TSKS: variants seen among roughly 807,000 people sequenced by gnomAD.
TSKS encodes testis specific serine kinase substrate, also known as testis-specific serine kinase substrate.
Under a neutral mutation model 68.0 loss-of-function variants are expected in TSKS, and 27 were observed. That is an observed-to-expected ratio of 0.40 (90% confidence interval 0.29 to 0.55). The LOEUF (loss-of-function observed/expected upper bound fraction) is 0.55. TSKS is among the 20% of genes least tolerant of loss of function. TSKS has a pLI of 0.53. For missense variants in TSKS, 806 were observed against 776.0 expected (o/e 1.04, Z -0.46); for synonymous variants, 331 against 340.4 (o/e 0.97, Z 0.30).
In TSKS at chr19:49,741,838, C is replaced by G. The variant is rs950236479; in HGVS notation, c.1497+47G>C. ...AGTCCGGGGTTCCCCTCCCCTTGCC[C>G]CAACAGAAAAGTAAAGTGGGACATG... On this transcript the variant is annotated intron_variant, in intron 9 of 10. Transcript: ENST00000246801. The G allele has an allele frequency of 2.5e-6, 4 of 1,612,824 alleles. No individual in the cohort carries two copies. In the East Asian group the frequency reaches 8.9e-5, roughly 36 times the overall value.
At chr19:49,749,430 T>G (rs1312001788) in intron 2 of TSKS, among the ~76,000 whole-genome samples, 2 of 152,158 alleles carry the variant, frequency 1.3e-5, no homozygotes, top group Non-Finnish European at 2.9e-5. Context: ...CTCCTGCCAA[T>G]CCGTGGTTCA....
intron 7 of TSKS, 149 bp from the exon 8 acceptor site, chr19:49,744,553 C>G: frequency 1.3e-6 from 1 of 748,040 alleles, no homozygotes; most frequent in East Asian, 2.7e-5. Flanking sequence ...ACTGGCCTCA[C>G]TTTTTGTATT....
At chr19:49,745,422 G>T in intron 6 of TSKS, 26 bp from the exon 7 acceptor site, 1 of 1,500,182 alleles carries the variant, frequency 6.7e-7, no homozygotes, top group Non-Finnish European at 8.9e-7. Context: ...AGGGGAATGG[G>T]TAGGGGCTAG....
chr19:49,744,308 A>C lies in TSKS; in HGVS notation c.1284T>G (p.Phe428Leu). 2 of 1,614,002 alleles carry C rather than the reference A, an allele frequency of 1.2e-6. No individual in the cohort carries two copies. The highest frequency in any genetic ancestry group is 1.7e-6 in the Non-Finnish European group (2 of 1,179,986). ...KPILEEFGRQFQNSRRGPDLS... is the reference protein window; with the variant it reads ...KPILEEFGRQLQNSRRGPDLS... ...GGTCAGGCCCTCTTCGAGAGTTCTG[A>C]AATTGCCGCCCGAACTCCTCCAGAA... The change falls in exon 8 of 11, where the codon TTT becomes TTG. Residue 428 changes from phenylalanine (F) to leucine (L), a missense_variant. Phe to Leu is a conservative substitution (Grantham distance 22). Transcript: ENST00000246801.
chr19:49,752,633 GA>G lies in TSKS; in HGVS notation c.400-4165del, dbSNP rs370276281. ...GAGTGGGAGAGGGAACATTTGTAAA[GA>G]AAAAAAAATTTTACGCTTGTTTTAA... is the stretch of plus-strand genomic sequence containing the variant. On this transcript the variant is annotated intron_variant, in intron 2 of 10. Coordinates refer to ENST00000246801, the MANE Select transcript of TSKS (RefSeq NM_021733.2). Among the ~76,000 whole-genome samples the G allele has an allele frequency of 6.8e-3, 1,034 of 151,836 alleles. 11 individuals carry two copies. Among genetic ancestry groups the G allele is most frequent in the African/African-American group, 0.023 (974 of 41,456 alleles).
In TSKS at chr19:49,746,481, G is replaced by C. The variant is rs1231539770; in HGVS notation, c.981C>G (p.Ile327Met). 6.2e-7 allele frequency: 1 copy of C among 1,613,786 alleles called. No homozygotes were observed. The highest frequency in any genetic ancestry group is 8.5e-7 in the Non-Finnish European group (1 of 1,179,948). ...EQELQKLFTGIEELRREVSSL... is the reference protein window; with the variant it reads ...EQELQKLFTGMEELRREVSSL... ...TAGGTCCCGCCCACCTCAGCTCTTC[G>C]ATGCCGGTGAACAGCTTCTGCAATT... The change falls in exon 6 of 11, where the codon ATC becomes ATG. Residue 327 changes from isoleucine (I) to methionine (M), a missense_variant. Coordinates refer to ENST00000246801, the MANE Select transcript of TSKS (RefSeq NM_021733.2).
At chr19:49,748,261 T>G in intron 3 of TSKS, 93 bp from the exon 4 acceptor site, 1 of 1,569,534 alleles carries the variant, frequency 6.4e-7, no homozygotes, top group Non-Finnish European at 8.8e-7. Context: ...CTTTTCTTTC[T>G]GAGCCTCAAG....
chr19:49,743,623 T>C (rs1340701487), intron 8 of TSKS, among the ~76,000 whole-genome samples: 1 of 150,444 alleles, frequency 6.6e-6, no homozygotes, highest in Non-Finnish European at 1.5e-5. Flanking sequence ...TCAGCCTTCC[T>C]AGTAGCTGGG....
chr19:49,739,828 C>A lies in TSKS; in HGVS notation c.1727G>T (p.Gly576Val). Residue 576 changes from glycine to valine, a missense_variant, in exon 11 of 11, where the codon GGC becomes GTC. Coordinates refer to ENST00000246801, the MANE Select transcript of TSKS (RefSeq NM_021733.2). ...TTTTGGGGGGGTTCCTGCACTGCTGCCTCCCCCCATTGTTCCCGTGGACCC... is the reference window on the plus strand; with the variant it reads ...TTTTGGGGGGGTTCCTGCACTGCTGACTCCCCCCATTGTTCCCGTGGACCC... The part of the protein sequence containing the change: ...LEGSTGTMGG[G>V]SSAGTPPKQG... 6.2e-7 allele frequency: 1 copy of A among 1,610,100 alleles called. No individual in the cohort carries two copies. Among genetic ancestry groups the A allele is most frequent in the Non-Finnish European group, 8.5e-7 (1 of 1,176,464 alleles).
intron 2 of TSKS, among the ~76,000 whole-genome samples, chr19:49,754,034 G>A (rs1399614159): frequency 5.3e-5 from 8 of 149,600 alleles, no homozygotes; most frequent in African/African-American, 9.7e-5. Flanking sequence ...ACAGGCACCC[G>A]CCACCACGCC....
chr19:49,745,134 G>T, intron 7 of TSKS, 68 bp downstream of exon 7: 3 of 1,450,592 alleles, frequency 2.1e-6, no homozygotes, highest in Non-Finnish European at 2.8e-6. Flanking sequence ...TTTCCCTCAA[G>T]ACCCCGCCCT....
chr19:49,754,103 C>T (rs986963885), intron 2 of TSKS, among the ~76,000 whole-genome samples: 2 of 151,240 alleles, frequency 1.3e-5, no homozygotes, highest in African/African-American at 2.4e-5. Context: ...TCAGGCTGGT[C>T]TCGAACTCCT....
intron 2 of TSKS, among the ~76,000 whole-genome samples, chr19:49,749,595 T>C (rs2084331970): frequency 6.6e-6 from 1 of 151,714 alleles, no homozygotes; most frequent in Admixed American, 6.6e-5. Context: ...GGAATGTGAG[T>C]GGAAATAATG....
At chr19:49,755,077 C>G (rs966152436) in intron 2 of TSKS, among the ~76,000 whole-genome samples, 3 of 152,140 alleles carry the variant, frequency 2.0e-5, no homozygotes, top group South Asian at 2.1e-4. Context: ...AGCCTGGCAA[C>G]AGAGAGAGAC....
chr19:49,751,704 G>A (rs1189653160), intron 2 of TSKS, among the ~76,000 whole-genome samples: 5 of 152,210 alleles, frequency 3.3e-5, no homozygotes, highest in East Asian at 1.9e-4. Flanking sequence ...TGGCAAAGCC[G>A]TGAAAGCATC....
chr19:49,746,496 C>T lies in TSKS; in HGVS notation c.966G>A (p.Lys322=), dbSNP rs750484105. Residue 322 remains lysine, a synonymous_variant, in exon 6 of 11, where the codon AAG becomes AAA. Transcript: ENST00000246801. The part of the protein sequence containing the change: ...GPYVSEQELQ[K]LFTGIEELRR... ...TCAGCTCTTCGATGCCGGTGAACAGCTTCTGCAATTCCTGCTCGCTCACGT... is the reference window on the plus strand; with the variant it reads ...TCAGCTCTTCGATGCCGGTGAACAGTTTCTGCAATTCCTGCTCGCTCACGT... The T allele has an allele frequency of 2.5e-6, 4 of 1,614,002 alleles. No homozygotes were observed. In the East Asian group the frequency reaches 6.7e-5, roughly 27 times the overall value.
In TSKS at chr19:49,746,462, C is replaced by A; in HGVS notation, c.992+8G>T. ...GTTTTCGAGGCTCCGCCCCTAGGTC[C>A]CGCCCACCTCAGCTCTTCGATGCCG... is the stretch of plus-strand genomic sequence containing the variant. On this transcript the variant is annotated splice_region_variant and intron_variant, in intron 6 of 10. Transcript: ENST00000246801. The A allele has an allele frequency of 6.2e-7, 1 of 1,613,808 alleles. No individual in the cohort carries two copies.
At chr19:49,761,548 A>C (rs2084440391) in intron 2 of TSKS, among the ~76,000 whole-genome samples, 1 of 152,048 alleles carries the variant, frequency 6.6e-6, no homozygotes, top group Non-Finnish European at 1.5e-5. Flanking sequence ...TCCGTTAGGG[A>C]ATTTCTCACC....
At position 49,763,293 on chromosome 19, in the gene TSKS, T is replaced by C; in HGVS notation, c.-46A>G. On this transcript the variant is annotated 5_prime_UTR_variant, in exon 1 of 11. Transcript: ENST00000246801. The surrounding 1 kb of genome is among the most constrained non-coding windows in gnomAD (Gnocchi z 4.5). Reference sequence around the variant, plus strand: ...AGGGAGGGGCTCCTTCCTCTGAGACTTCCTACCTACTGTGACCACAGACCC... The same window carrying C: ...AGGGAGGGGCTCCTTCCTCTGAGACCTCCTACCTACTGTGACCACAGACCC... 1 of 1,472,758 alleles carries C rather than the reference T, an allele frequency of 6.8e-7. No homozygotes were observed. 91.2% of individuals were successfully genotyped at this position (1,472,758 alleles called of 1,614,324 possible).
Sources: allele counts gnomAD v4.1 joint callset (sites outside exome capture counted in the v4.1 genomes callset), GRCh38; gene constraint gnomAD v4.1.1; non-coding constraint Gnocchi (gnomAD v3.1); transcripts MANE v1.5; gene names NCBI Gene and HGNC (gene_info 2026-07-23, HGNC 2026-07-21).